LRRC4C: variants seen among roughly 807,000 people sequenced by gnomAD.
LRRC4C encodes leucine rich repeat containing 4C.
LRRC4C carries 5 observed loss-of-function variants against 33.6 expected under a neutral mutation model. The ratio of observed to expected loss-of-function variants is 0.15; its 90% CI spans 0.08 to 0.31. The LOEUF (loss-of-function observed/expected upper bound fraction) is 0.31. Among genes scored for constraint, LRRC4C ranks in the 10% least tolerant of loss-of-function variants. The pLI, the probability that LRRC4C is intolerant of heterozygous loss-of-function variation, is 1.00. For missense variants in LRRC4C, 560 were observed against 796.7 expected (o/e 0.70, Z 3.58); for synonymous variants, 329 against 302.0 (o/e 1.09, Z -0.93).
rs545311592 is a variant in LRRC4C, at chr11:40,638,346, T to C, written c.-270+9796A>G. 5.3e-5 allele frequency among the ~76,000 whole-genome samples: 8 copies of C among 152,306 alleles called. No homozygotes were observed. In the South Asian group the frequency reaches 1.7e-3, roughly 32 times the overall value. On this transcript the variant is annotated intron_variant, in intron 3 of 6. Coordinates refer to ENST00000528697, the MANE Select transcript of LRRC4C (RefSeq NM_001258419.2). ...AATAAACATTTGTGGAATTACTGAATTAATCAACACATGCTAAGCAATGCA... is the reference window on the plus strand; with the variant it reads ...AATAAACATTTGTGGAATTACTGAACTAATCAACACATGCTAAGCAATGCA...
chr11:41,353,140 T>A (rs12420288), intron 1 of LRRC4C, among the ~76,000 whole-genome samples: 26,441 of 151,658 alleles, frequency 0.17, 2,779 homozygotes, highest in East Asian at 0.45. Context: ...AATAGACTAA[T>A]AAGAAAAGAG....
At chr11:40,187,988 T>C (rs1208604916) in intron 5 of LRRC4C, among the ~76,000 whole-genome samples, 2 of 152,134 alleles carry the variant, frequency 1.3e-5, no homozygotes, top group Non-Finnish European at 2.9e-5. Flanking sequence ...TTCAGGGATA[T>C]TAATTTAAGG....
chr11:41,002,350 G>A (rs1209789244), intron 1 of LRRC4C, among the ~76,000 whole-genome samples: 3 of 152,156 alleles, frequency 2.0e-5, no homozygotes, highest in East Asian at 1.9e-4. Flanking sequence ...AGCTCTCTGA[G>A]TGTTGTTCTC....
At chr11:40,973,777 T>A (rs1169349596) in intron 1 of LRRC4C, among the ~76,000 whole-genome samples, 1 of 152,208 alleles carries the variant, frequency 6.6e-6, no homozygotes, top group Admixed American at 6.5e-5. Flanking sequence ...TTAGACAATA[T>A]GTTGGAAATT....
intron 2 of LRRC4C, among the ~76,000 whole-genome samples, chr11:40,754,445 T>A (rs1948842621): frequency 6.6e-6 from 1 of 152,076 alleles, no homozygotes; most frequent in Non-Finnish European, 1.5e-5. Context: ...TAGGAACTAT[T>A]TAGGCCCCTA....
intron 3 of LRRC4C, among the ~76,000 whole-genome samples, chr11:40,647,532 T>G (rs1285934887): frequency 6.6e-6 from 1 of 152,218 alleles, no homozygotes; most frequent in Non-Finnish European, 1.5e-5. Context: ...GCCACTTGTT[T>G]TGAGTCACTT....
chr11:40,997,562 T>A (rs1854071648), intron 1 of LRRC4C, among the ~76,000 whole-genome samples: 1 of 152,054 alleles, frequency 6.6e-6, no homozygotes, highest in South Asian at 2.1e-4. Flanking sequence ...TTTGAAAAAG[T>A]TAGTTGTGAA....
At chr11:40,525,924 A>G (rs1956029756) in intron 3 of LRRC4C, among the ~76,000 whole-genome samples, 1 of 152,192 alleles carries the variant, frequency 6.6e-6, no homozygotes. Context: ...GGACTAGAAC[A>G]GATTCACACA....
intron 1 of LRRC4C, among the ~76,000 whole-genome samples, chr11:41,366,236 AG>A (rs1344020653): frequency 4.8e-5 from 7 of 145,286 alleles, no homozygotes; most frequent in Non-Finnish European, 7.4e-5. Context: ...ATAGATAGAT[AG>A]ATAGATAGGT....
Position 40,652,919 on chromosome 11 carries a change from GA to G in LRRC4C, c.-406-4642del, listed in dbSNP as rs5791395. 4.2e-3 allele frequency among the ~76,000 whole-genome samples: 645 copies of G among 152,246 alleles called. 6 individuals carry two copies. Among genetic ancestry groups the G allele is most frequent in the African/African-American group, 0.015 (622 of 41,520 alleles). ...CAGGTGGAGGTAATTGAATCATGGG[GA>G]CAGTTTCCCCCTGCTGTTCTCATGC... On this transcript the variant is annotated intron_variant, in intron 2 of 6. Transcript: ENST00000528697.
intron 1 of LRRC4C, among the ~76,000 whole-genome samples, chr11:41,106,132 G>C (rs191596111): frequency 2.0e-5 from 3 of 152,186 alleles, no homozygotes; most frequent in South Asian, 4.1e-4. Context: ...GTCAGTGACA[G>C]AACTAAGTAT....
At chr11:40,527,039 T>A (rs1956079639) in intron 3 of LRRC4C, among the ~76,000 whole-genome samples, 1 of 152,192 alleles carries the variant, frequency 6.6e-6, no homozygotes, top group South Asian at 2.1e-4. Flanking sequence ...CTTTATGTTC[T>A]CATTTATACA....
chr11:40,233,701 A>G (rs562223552), intron 5 of LRRC4C, among the ~76,000 whole-genome samples: 1 of 152,350 alleles, frequency 6.6e-6, no homozygotes, highest in East Asian at 1.9e-4. Flanking sequence ...GTGAACAATG[A>G]CATGTTTAAA....
At chr11:40,696,070 TGTGTATATATATATATGA>T (rs1164306081) in intron 2 of LRRC4C, among the ~76,000 whole-genome samples, 26 of 136,126 alleles carry the variant, frequency 1.9e-4, no homozygotes, top group East Asian at 1.3e-3. Context: ...TATATATGAG[TGTGTATATATATATATGA>T]GTGTGTGTAT....
At chr11:40,963,983 C>T (rs894787323) in intron 1 of LRRC4C, among the ~76,000 whole-genome samples, 8 of 151,694 alleles carry the variant, frequency 5.3e-5, no homozygotes, top group African/African-American at 1.2e-4. Flanking sequence ...CTCCACATCT[C>T]GGTAGGTGGT....
chr11:40,846,755 G>A (rs1207184835), intron 2 of LRRC4C, among the ~76,000 whole-genome samples: 1 of 152,128 alleles, frequency 6.6e-6, no homozygotes, highest in Admixed American at 6.5e-5. Flanking sequence ...GGGCAGTATG[G>A]CCATTTTCCT....
At chr11:41,178,146 G>A (rs1273756284) in intron 1 of LRRC4C, among the ~76,000 whole-genome samples, 1 of 152,134 alleles carries the variant, frequency 6.6e-6, no homozygotes, top group African/African-American at 2.4e-5. Context: ...CGAGAACATT[G>A]TCTAGATATA....
chr11:41,052,974 C>A (rs188101882), intron 1 of LRRC4C, among the ~76,000 whole-genome samples: 38 of 152,222 alleles, frequency 2.5e-4, no homozygotes, highest in Admixed American at 6.5e-4. Flanking sequence ...ACTGGAAATA[C>A]ACATTTTGAA....
intron 3 of LRRC4C, among the ~76,000 whole-genome samples, chr11:40,325,698 TAACA>T (rs1321061556): frequency 6.6e-6 from 1 of 152,086 alleles, no homozygotes; most frequent in African/African-American, 2.4e-5. Flanking sequence ...AGATAGCTAC[TAACA>T]CTTATTTTTT....
Sources: allele counts gnomAD v4.1 joint callset (sites outside exome capture counted in the v4.1 genomes callset), GRCh38; gene constraint gnomAD v4.1.1; transcripts MANE v1.5; gene names NCBI Gene and HGNC (gene_info 2026-07-23, HGNC 2026-07-21).